Variants in SLC39A11 observed in about 807,000 individuals in gnomAD.
SLC39A11 encodes solute carrier family 39 member 11.
SLC39A11 carries 33 observed loss-of-function variants against 36.1 expected under a neutral mutation model. That is an observed-to-expected ratio of 0.91 (90% CI 0.69 to 1.22). The LOEUF (loss-of-function observed/expected upper bound fraction) is 1.22. Among genes scored for constraint, SLC39A11 ranks in the 50% most tolerant of loss-of-function variants. The probability of loss-of-function intolerance (pLI) is 0.00; values close to 1 mark genes in which losing one functional copy is unlikely to be tolerated. For synonymous variants in SLC39A11, 166 were observed against 170.3 expected (o/e 0.97, Z 0.20); for missense variants, 432 against 430.3 (o/e 1.00, Z -0.03).
At chr17:72,929,086 A>G (rs1598450864) in intron 5 of SLC39A11, among the ~76,000 whole-genome samples, 2 of 152,120 alleles carry the variant, frequency 1.3e-5, no homozygotes, top group Non-Finnish European at 2.9e-5. Flanking sequence ...CCCTTCCTCT[A>G]CACAGACCCA....
At chr17:72,912,409 T>C (rs1285715916) in intron 5 of SLC39A11, among the ~76,000 whole-genome samples, 1 of 151,682 alleles carries the variant, frequency 6.6e-6, no homozygotes, top group African/African-American at 2.4e-5. Context: ...GCTGTTAACA[T>C]TATTTACATT....
chr17:73,025,084 T>A (rs1052051244), intron 4 of SLC39A11, among the ~76,000 whole-genome samples: 1 of 152,032 alleles, frequency 6.6e-6, no homozygotes, highest in African/African-American at 2.4e-5. Flanking sequence ...GCATCTTCTT[T>A]GCCATCACAA....
chr17:72,814,100 T>C (rs2145436970), intron 6 of SLC39A11, among the ~76,000 whole-genome samples: 1 of 152,172 alleles, frequency 6.6e-6, no homozygotes, highest in East Asian at 1.9e-4. Context: ...ACATGCGGCT[T>C]TTTACACTTA....
intron 6 of SLC39A11, among the ~76,000 whole-genome samples, chr17:72,744,028 G>A (rs1208736675): frequency 6.6e-6 from 1 of 152,210 alleles, no homozygotes; most frequent in Non-Finnish European, 1.5e-5. Context: ...GGCTCTGCCT[G>A]CCTCTCTCCA....
intron 3 of SLC39A11, among the ~76,000 whole-genome samples, chr17:73,063,463 T>C (rs2059906958): frequency 6.6e-6 from 1 of 152,010 alleles, no homozygotes; most frequent in Non-Finnish European, 1.5e-5. Context: ...AAAGAAGCTT[T>C]TCAAGGCCAG....
intron 7 of SLC39A11, among the ~76,000 whole-genome samples, chr17:72,699,807 G>A (rs942251311): frequency 5.9e-5 from 9 of 152,142 alleles, no homozygotes; most frequent in South Asian, 2.1e-4. Flanking sequence ...TAACTCCACC[G>A]CATGTGATTC....
At chr17:72,837,860 T>C (rs1469319053) in intron 6 of SLC39A11, 6 of 963,952 alleles carry the variant, frequency 6.2e-6, no homozygotes, top group Non-Finnish European at 8.0e-6. Context: ...AGAGACAAAG[T>C]AGATTAGTGC....
intron 3 of SLC39A11, among the ~76,000 whole-genome samples, chr17:73,078,095 G>T (rs896516090): frequency 4.6e-5 from 7 of 152,002 alleles, no homozygotes; most frequent in African/African-American, 1.7e-4. Context: ...AAAATTAGCC[G>T]GGTGTGGTGG....
intron 6 of SLC39A11, among the ~76,000 whole-genome samples, chr17:72,774,013 G>A (rs1306288247): frequency 6.6e-6 from 1 of 152,154 alleles, no homozygotes; most frequent in Non-Finnish European, 1.5e-5. Flanking sequence ...GCTAATGGGG[G>A]CAACTTTGAA....
At chr17:72,869,916 T>C (rs1336414597) in intron 5 of SLC39A11, among the ~76,000 whole-genome samples, 1 of 152,150 alleles carries the variant, frequency 6.6e-6, no homozygotes, top group Admixed American at 6.5e-5. Flanking sequence ...GATTTTAATG[T>C]ATTCTTCTAG....
intron 6 of SLC39A11, among the ~76,000 whole-genome samples, chr17:72,755,203 A>G (rs903955773): frequency 3.3e-5 from 5 of 152,378 alleles, no homozygotes; most frequent in South Asian, 2.1e-4. Context: ...CAGATGTGAA[A>G]TGAGGAAAGG....
chr17:72,912,882 T>A (rs1271151863), intron 5 of SLC39A11, among the ~76,000 whole-genome samples: 1 of 152,166 alleles, frequency 6.6e-6, no homozygotes, highest in Non-Finnish European at 1.5e-5. Flanking sequence ...TCCCCATCCC[T>A]CTTGCTCCAT....
intron 6 of SLC39A11, among the ~76,000 whole-genome samples, chr17:72,745,409 G>C (rs1306942658): frequency 1.3e-5 from 2 of 152,222 alleles, no homozygotes; most frequent in Non-Finnish European, 2.9e-5. Context: ...ATAGGATACA[G>C]TTGTTTCAGG....
chr17:72,718,956 C>A (rs1172925730), intron 7 of SLC39A11, among the ~76,000 whole-genome samples: 1 of 151,994 alleles, frequency 6.6e-6, no homozygotes, highest in African/African-American at 2.4e-5. Flanking sequence ...AATCCTGAAT[C>A]TACCAGGTTC....
At chr17:72,955,115 A>G (rs1482829961) in intron 4 of SLC39A11, among the ~76,000 whole-genome samples, 1 of 152,104 alleles carries the variant, frequency 6.6e-6, no homozygotes, top group African/African-American at 2.4e-5. Flanking sequence ...CAATCAGTGG[A>G]CAGCAAGGCA....
At chr17:72,660,136 T>C (rs573040878) in intron 7 of SLC39A11, among the ~76,000 whole-genome samples, 15 of 152,318 alleles carry the variant, frequency 9.8e-5, no homozygotes, top group African/African-American at 3.6e-4. Flanking sequence ...GGCCTTGAGC[T>C]TGGGAAATGC....
intron 6 of SLC39A11, among the ~76,000 whole-genome samples, chr17:72,825,879 C>T (rs1335820985): frequency 6.6e-6 from 1 of 152,168 alleles, no homozygotes; most frequent in African/African-American, 2.4e-5. Context: ...AAGTAACTGA[C>T]TGGGTTTGAT....
At position 72,771,080 on chromosome 17, in the gene SLC39A11, G is replaced by A. The variant is rs545416417; in HGVS notation, c.602-34361C>T. 3.4e-5 allele frequency among the ~76,000 whole-genome samples: 5 copies of A among 149,178 alleles called. No homozygotes were observed. The South Asian group carries it at 1.1e-3, about 32-fold the overall frequency. On this transcript the variant is annotated intron_variant, in intron 6 of 9. Transcript: ENST00000255559. ...TACTTTTTTTTTTTTTTATGTGCGT[G>A]TTGCTTATTTAAAAAAAATCCTGGC...
At chr17:72,880,133 C>T (rs1324153349) in intron 5 of SLC39A11, among the ~76,000 whole-genome samples, 1 of 152,210 alleles carries the variant, frequency 6.6e-6, no homozygotes, top group Non-Finnish European at 1.5e-5. Context: ...GGTTTAAGAG[C>T]ATCCTAAGAG....
Sources: allele counts gnomAD v4.1 joint callset (sites outside exome capture counted in the v4.1 genomes callset), GRCh38; gene constraint gnomAD v4.1.1; transcripts MANE v1.5; gene names NCBI Gene and HGNC (gene_info 2026-07-23, HGNC 2026-07-21).